The following RAPGEF4 variants were observed in gnomAD, a reference collection of about 807,000 sequenced individuals.
RAPGEF4 encodes RAP guanine-nucleotide-exchange factor (GEF) 4.
RAPGEF4 carries 66 observed loss-of-function variants against 147.9 expected under a neutral mutation model. The observed-to-expected ratio is 0.45, with a 90% CI of 0.37 to 0.55. The LOEUF is 0.55. Ranked by LOEUF, RAPGEF4 falls within the 20% of genes least tolerant of loss-of-function variation. The pLI is 0.00. For synonymous variants in RAPGEF4, 419 were observed against 442.7 expected, an observed-to-expected ratio of 0.95 and a Z score of 0.67; for missense variants, 1,071 against 1,257.3, an observed-to-expected ratio of 0.85 and a Z score of 2.24.
chr2:173,039,927 T>C (rs1684543352), intron 29 of RAPGEF4, among the ~76,000 whole-genome samples: 1 of 152,100 alleles, frequency 6.6e-6, no homozygotes, highest in Non-Finnish European at 1.5e-5. Context: ...TGGTGGCTCA[T>C]GTCTGTAATC....
Position 172,947,837 on chromosome 2 carries a change from TA to T in RAPGEF4, c.538-12915del, listed in dbSNP as rs1004258967. The stretch of plus-strand genomic sequence containing the variant: ...AATATATATACATAGAATATACATG[TA>T]AAAAAAAGTGCACACATCATTTAGG... On this transcript the variant is annotated intron_variant, in intron 6 of 30. Transcript: ENST00000397081. Among the ~76,000 whole-genome samples the T allele has an allele frequency of 1.6e-4, 24 of 152,024 alleles. 1 individual carries two copies. The highest frequency in any genetic ancestry group is 2.4e-4 in the Non-Finnish European group (16 of 67,952).
At chr2:172,838,188 G>T (rs537586163) in intron 4 of RAPGEF4, among the ~76,000 whole-genome samples, 1 of 151,538 alleles carries the variant, frequency 6.6e-6, no homozygotes, top group East Asian at 1.9e-4. Flanking sequence ...CCTGTTGGGG[G>T]GTCTTCCCTT....
chr2:172,782,980 G>A (rs947527056), intron 1 of RAPGEF4, among the ~76,000 whole-genome samples: 4 of 152,156 alleles, frequency 2.6e-5, no homozygotes, highest in Admixed American at 6.5e-5. Context: ...AAAAGGGGCT[G>A]TTAAAATTGG....
At chr2:172,829,773 A>G (rs1690086224) in intron 4 of RAPGEF4, among the ~76,000 whole-genome samples, 1 of 149,176 alleles carries the variant, frequency 6.7e-6, no homozygotes, top group Non-Finnish European at 1.5e-5. Flanking sequence ...TAGTAATATA[A>G]TAACTCATTT....
chr2:172,875,409 T>G (rs1695792457), intron 4 of RAPGEF4, among the ~76,000 whole-genome samples: 1 of 152,182 alleles, frequency 6.6e-6, no homozygotes, highest in African/African-American at 2.4e-5. Flanking sequence ...TAATCCATCT[T>G]GAATTAATTT....
chr2:172,774,204 C>T (rs1683930675), intron 1 of RAPGEF4, among the ~76,000 whole-genome samples: 1 of 152,226 alleles, frequency 6.6e-6, no homozygotes, highest in African/African-American at 2.4e-5. Flanking sequence ...GTCCTAATTA[C>T]TTTCCATACC....
At chr2:172,777,984 A>G (rs1181046585) in intron 1 of RAPGEF4, among the ~76,000 whole-genome samples, 1 of 152,156 alleles carries the variant, frequency 6.6e-6, no homozygotes, top group Non-Finnish European at 1.5e-5. Context: ...GTGATATAAT[A>G]TAATTTTCTA....
chr2:172,842,944 G>C (rs1027882659), intron 4 of RAPGEF4, among the ~76,000 whole-genome samples: 1 of 152,228 alleles, frequency 6.6e-6, no homozygotes, highest in African/African-American at 2.4e-5. Flanking sequence ...GCAGTTACAG[G>C]TGTCTGGATA....
At chr2:172,939,445 GTCT>G (rs1189290285) in intron 6 of RAPGEF4, among the ~76,000 whole-genome samples, 1 of 152,116 alleles carries the variant, frequency 6.6e-6, no homozygotes, top group African/African-American at 2.4e-5. Flanking sequence ...TTTGCCATCT[GTCT>G]TCTTTGTTGA....
chr2:172,848,340 C>T (rs1406541326), intron 4 of RAPGEF4, among the ~76,000 whole-genome samples: 1 of 152,078 alleles, frequency 6.6e-6, no homozygotes, highest in Non-Finnish European at 1.5e-5. Context: ...CACACTAGAT[C>T]CCTTCTGTTG....
chr2:172,902,571 C>T (rs1378918442), intron 4 of RAPGEF4, among the ~76,000 whole-genome samples: 3 of 152,116 alleles, frequency 2.0e-5, no homozygotes, highest in East Asian at 1.9e-4. Flanking sequence ...TCAGCACTGC[C>T]GTCTCTCATG....
chr2:172,944,912 C>T (rs957414649), intron 6 of RAPGEF4, among the ~76,000 whole-genome samples: 5 of 152,082 alleles, frequency 3.3e-5, no homozygotes, highest in Admixed American at 3.3e-4. Context: ...AAACTGTGAC[C>T]TCCAGGTAGA....
At chr2:172,747,606 T>G (rs1372139119) in intron 1 of RAPGEF4, among the ~76,000 whole-genome samples, 1 of 152,162 alleles carries the variant, frequency 6.6e-6, no homozygotes, top group Non-Finnish European at 1.5e-5. Context: ...GCTGGGACTA[T>G]AGGCACCTAC....
intron 4 of RAPGEF4, among the ~76,000 whole-genome samples, chr2:172,850,321 A>G (rs951932177): frequency 6.6e-6 from 1 of 152,200 alleles, no homozygotes; most frequent in African/African-American, 2.4e-5. Flanking sequence ...TTTAAATTAA[A>G]AAGTAAAAAT....
intron 3 of RAPGEF4, among the ~76,000 whole-genome samples, chr2:172,799,922 C>T (rs545056542): frequency 6.1e-4 from 93 of 152,226 alleles, no homozygotes; most frequent in African/African-American, 1.9e-3. Context: ...CCAGGGGTTT[C>T]GGGAATATTG....
intron 1 of RAPGEF4, among the ~76,000 whole-genome samples, chr2:172,770,662 T>C (rs1388865193): frequency 6.6e-6 from 1 of 152,230 alleles, no homozygotes; most frequent in African/African-American, 2.4e-5. Context: ...TATGGTGGCA[T>C]GCAATAGGCA....
At chr2:172,908,976 C>A (rs1699862034) in intron 4 of RAPGEF4, among the ~76,000 whole-genome samples, 1 of 152,154 alleles carries the variant, frequency 6.6e-6, no homozygotes, top group Non-Finnish European at 1.5e-5. Flanking sequence ...TTCCTAACTG[C>A]CTTTAGAGGT....
chr2:173,030,273 C>G lies in RAPGEF4; in HGVS notation c.2649+19C>G. 1 of 1,580,030 alleles carries G rather than the reference C, an allele frequency of 6.3e-7. No individual in the cohort carries two copies. Among genetic ancestry groups the G allele is most frequent in the Non-Finnish European group, 8.7e-7 (1 of 1,149,262 alleles). ...GTGGGAGGTAAGCTTCAGCTAGGAT[C>G]CAGCTGTGACTTTTGCCTTAGGAAT... On this transcript the variant is annotated intron_variant, in intron 26 of 30. Transcript: ENST00000397081.
chr2:172,879,968 G>A (rs186822138), intron 4 of RAPGEF4, among the ~76,000 whole-genome samples: 1 of 152,158 alleles, frequency 6.6e-6, no homozygotes, highest in Non-Finnish European at 1.5e-5. Context: ...GGTAGTGGTT[G>A]GTCCATTTAT....
Sources: gnomAD v4.1 joint callset for allele counts (sites outside exome capture counted in the v4.1 genomes callset) on GRCh38, gnomAD v4.1.1 for gene constraint, MANE v1.5 for transcripts, NCBI Gene and HGNC (gene_info 2026-07-23, HGNC 2026-07-21) for gene names.